CDAN1: variants seen among roughly 807,000 people sequenced by gnomAD.
CDAN1 encodes codanin-1.
In CDAN1, 107 loss-of-function variants were observed where a neutral mutation model predicts 139.8. The observed-to-expected ratio is 0.77, with a 90% CI of 0.65 to 0.90. CDAN1 has a LOEUF of 0.90. CDAN1 is among the 40% of genes least tolerant of loss of function. The pLI is 0.00. For synonymous variants in CDAN1, 776 were observed against 660.6 expected (o/e 1.17, Z -2.68); for missense variants, 1,667 against 1,575.7 (o/e 1.06, Z -0.98).
chr15:42,732,138 G>A (rs973904407), intron 10 of CDAN1, among the ~76,000 whole-genome samples, 195 bp downstream of exon 10: 3 of 152,226 alleles, frequency 2.0e-5, no homozygotes, highest in Admixed American at 2.0e-4. Flanking sequence ...GCAGGGCCCG[G>A]GATGTGTCAA....
Position 42,729,222 on chromosome 15 carries a change from C to T in CDAN1, c.2541+7G>A. 1 of 1,613,834 alleles carries T rather than the reference C, an allele frequency of 6.2e-7. No homozygotes were observed. The highest frequency in any genetic ancestry group is 2.2e-5 in the East Asian group (1 of 44,844). ...TTTCCCCACGGCTGTCTCCGCCCTG[C>T]CCTTACCTGCAGCCCCTGGCTGGTC... On this transcript the variant is annotated splice_region_variant and intron_variant, in intron 18 of 27. Transcript: ENST00000356231.
chr15:42,730,476 C>G lies in CDAN1; in HGVS notation c.2174+122G>C, dbSNP rs1047884967. ...AGCCAATCGTGCCTCTCCCAGGGCT[C>G]AGTTATGGCCAGGGCCCCACACGCA... is the stretch of plus-strand genomic sequence containing the variant. On this transcript the variant is annotated intron_variant, in intron 14 of 27. Transcript: ENST00000356231. 3 of 1,194,376 alleles carry G rather than the reference C, an allele frequency of 2.5e-6. No homozygotes were observed. The African/African-American group carries it at 4.6e-5, about 18-fold the overall frequency. 74.0% of individuals were successfully genotyped at this position (1,194,376 alleles called of 1,614,324 possible).
chr15:42,727,975 C>T lies in CDAN1; in HGVS notation c.2927G>A (p.Trp976Ter), dbSNP rs1452176295. Reference sequence around the variant, plus strand: ...CTTACCTGTGATGTTGGCTGACAGCCAAGCACAGGCTTTCTCTGTTGCAAG... The same window carrying T: ...CTTACCTGTGATGTTGGCTGACAGCTAAGCACAGGCTTTCTCTGTTGCAAG... ...VGLATEKACAWLSANITALIR... is the reference protein window; with the variant it reads ...VGLATEKACA Residue 976 changes from tryptophan (W) to a stop codon, truncating the protein, a stop_gained, in exon 22 of 28, where the codon TGG (tryptophan) becomes TAG (stop). Coordinates refer to ENST00000356231, the MANE Select transcript of CDAN1 (RefSeq NM_138477.4). LOFTEE classifies it high-confidence loss of function. 1 of 1,614,162 alleles carries T rather than the reference C, an allele frequency of 6.2e-7. No individual in the cohort carries two copies. The highest frequency in any genetic ancestry group is 1.7e-5 in the Admixed American group (1 of 60,032).
At position 42,728,007 on chromosome 15, in the gene CDAN1, A is replaced by G. The variant is rs761702273; in HGVS notation, c.2895T>C (p.Ala965=). The G allele has an allele frequency of 1.8e-5, 29 of 1,614,034 alleles. No individual in the cohort carries two copies. Among genetic ancestry groups the G allele is most frequent in the Admixed American group, 5.0e-5 (3 of 60,000 alleles). The change falls in exon 22 of 28, where the codon GCT becomes GCC. Residue 965 remains alanine (A), a synonymous_variant. Coordinates refer to ENST00000356231, the MANE Select transcript of CDAN1 (RefSeq NM_138477.4). ...AGGCTTTCTCTGTTGCAAGCCCCAC[A>G]GCAATGTTCTCTGCACTGCTCAGAA... ...AAVLSSAENI[A]VGLATEKACA... is the part of the protein sequence containing the mutation.
rs1344084461 is a variant in CDAN1, at chr15:42,731,827, T to G, written c.1534-2A>C. 1.2e-6 allele frequency: 2 copies of G among 1,613,352 alleles called. No individual in the cohort carries two copies. Among genetic ancestry groups the G allele is most frequent in the Non-Finnish European group, 1.7e-6 (2 of 1,179,656 alleles). ...AGCACCACCAGGGCTCTGACACATC[T>G]AGGGTGGAAGAGGAAGGAGAGAAAT... On this transcript the variant is annotated splice_acceptor_variant, in intron 10 of 27. Coordinates refer to ENST00000356231, the MANE Select transcript of CDAN1 (RefSeq NM_138477.4). LOFTEE classifies it high-confidence loss of function.
Position 42,729,830 on chromosome 15 carries a change from A to G in CDAN1, c.2318T>C (p.Phe773Ser), listed in dbSNP as rs367777580. ...CTCTGGGGCTACTGTGTCCACCTCA[A>G]AGGCATATGAGGGACCCTCTTCCAG... ...FFLEEGPSYA[F>S]EVDTVAPEHG... The change falls in exon 16 of 28, where the codon TTT (phenylalanine) becomes TCT (serine). Residue 773 changes from phenylalanine (F) to serine (S), a missense_variant. By Grantham distance (155) the Phe-to-Ser change is radical (BLOSUM62 -2). Coordinates refer to ENST00000356231, the MANE Select transcript of CDAN1 (RefSeq NM_138477.4). The G allele has an allele frequency of 1.5e-5, 24 of 1,613,866 alleles. 1 individual carries two copies. In the East Asian group the frequency reaches 1.8e-4, roughly 12 times the overall value.
Position 42,728,638 on chromosome 15 carries a change from C to G in CDAN1, c.2804+14G>C, listed in dbSNP as rs975377036. On this transcript the variant is annotated intron_variant, in intron 20 of 27. Transcript: ENST00000356231. ...CCAAGAGGAGAGTGGATCAAATGGA[C>G]CAGCGCTGCTTACTCCCGCCCCAGG... 6.2e-7 allele frequency: 1 copy of G among 1,613,482 alleles called. No homozygotes were observed.
intron 20 of CDAN1, 139 bp from the exon 21 acceptor site, chr15:42,728,406 C>G: frequency 1.0e-6 from 1 of 970,208 alleles, no homozygotes; most frequent in Non-Finnish European, 1.6e-6. Flanking sequence ...CGCCCCACCC[C>G]AGGTGCCAGA....
rs775597322 is a variant in CDAN1 at position 42,731,310 on chromosome 15, G to A, written c.1761C>T (p.Leu587=). The part of the protein sequence containing the change: ...SASSFQFNQH[L]MDSLSLKIQE... ...GGATCTTCAAGCTCAGACTGTCCAT[G>A]AGATGCTGGTTAAACTGGAAGCTGA... The change falls in exon 12 of 28, where the codon CTC becomes CTT. Residue 587 remains leucine, a synonymous_variant. Coordinates refer to ENST00000356231, the MANE Select transcript of CDAN1 (RefSeq NM_138477.4). 3.7e-6 allele frequency: 6 copies of A among 1,613,960 alleles called. No homozygotes were observed. The highest frequency in any genetic ancestry group is 2.2e-5 in the East Asian group (1 of 44,882).
At position 42,729,223 on chromosome 15, in the gene CDAN1, C is replaced by T. The variant is rs1348583855; in HGVS notation, c.2541+6G>A. On this transcript the variant is annotated splice_donor_region_variant and intron_variant, in intron 18 of 27. Coordinates refer to ENST00000356231, the MANE Select transcript of CDAN1 (RefSeq NM_138477.4). Reference sequence around the variant, plus strand: ...TTCCCCACGGCTGTCTCCGCCCTGCCCTTACCTGCAGCCCCTGGCTGGTCT... The same window carrying T: ...TTCCCCACGGCTGTCTCCGCCCTGCTCTTACCTGCAGCCCCTGGCTGGTCT... 4 of 1,613,882 alleles carry T rather than the reference C, an allele frequency of 2.5e-6. No individual in the cohort carries two copies. The highest frequency in any genetic ancestry group is 3.3e-5 in the Admixed American group (2 of 59,994).
At chr15:42,728,411 GC>G in intron 20 of CDAN1, 144 bp from the exon 21 acceptor site, 1 of 937,982 alleles carries the variant, frequency 1.1e-6, no homozygotes. Context: ...CACCCCAGGT[GC>G]CAGAGAAAAG....
intron 1 of CDAN1, 26 bp downstream of exon 1, chr15:42,736,987 A>G: frequency 6.5e-7 from 1 of 1,536,824 alleles, no homozygotes; most frequent in Non-Finnish European, 8.8e-7. Flanking sequence ...TTCGAGTCAG[A>G]CCTGGGGGCG....
Position 42,725,194 on chromosome 15 carries a change from T to TCCGTCCCATCAGACCCTTCTCCAC in CDAN1, c.3484_3507dup (p.Val1162_Arg1169dup), listed in dbSNP as rs764457833. 18 of 1,614,180 alleles carry TCCGTCCCATCAGACCCTTCTCCAC rather than the reference T, an allele frequency of 1.1e-5. No individual in the cohort carries two copies. The highest frequency in any genetic ancestry group is 1.4e-5 in the Non-Finnish European group (16 of 1,180,034). On this transcript the variant is annotated inframe_insertion, in exon 27 of 28. Transcript: ENST00000356231. ...CTGCCCAGGCAGGCCTCTATCTCCA[T>TCCGTCCCATCAGACCCTTCTCCAC]CCGTCCCATCAGACCCTTCTCCACC... is the stretch of plus-strand genomic sequence containing the variant.
intron 27 of CDAN1, 159 bp downstream of exon 27, chr15:42,724,985 C>T: frequency 1.4e-6 from 1 of 717,100 alleles, no homozygotes; most frequent in Non-Finnish European, 2.5e-6. Context: ...AACACAGTCC[C>T]TCATATAATA....
intron 25 of CDAN1, 142 bp from the exon 26 acceptor site, chr15:42,725,812 A>G (rs1016443961): frequency 2.3e-6 from 2 of 874,004 alleles, no homozygotes; most frequent in Non-Finnish European, 3.5e-6. Flanking sequence ...GTGAAACCCC[A>G]TCTCTATTAA....
At position 42,725,217 on chromosome 15, in the gene CDAN1, A is replaced by T. The variant is rs1236737331; in HGVS notation, c.3485T>A (p.Val1162Glu). Residue 1162 changes from valine (V) to glutamate (E), a missense_variant, in exon 27 of 28, where the codon GTG becomes GAG. Val to Glu is a moderately radical substitution (Grantham distance 121). Coordinates refer to ENST00000356231, the MANE Select transcript of CDAN1 (RefSeq NM_138477.4). ...CATCCGTCCCATCAGACCCTTCTCC[A>T]CCAGCTCCCGTAGCAAGAATAGCAG... ...DLLLFLLREL[V>E]EKGLMGRMEI... The T allele has an allele frequency of 1.2e-6, 2 of 1,614,032 alleles. No individual in the cohort carries two copies. The highest frequency in any genetic ancestry group is 2.7e-5 in the African/African-American group (2 of 74,924).
intron 4 of CDAN1, 49 bp from the exon 5 acceptor site, chr15:42,735,423 C>G (rs1341340369): frequency 6.3e-7 from 1 of 1,593,020 alleles, no homozygotes; most frequent in Non-Finnish European, 8.6e-7. Context: ...CATTTGGAGC[C>G]AAGGCTCAGT....
At chr15:42,731,467 G>A in intron 11 of CDAN1, 136 bp from the exon 12 acceptor site, 2 of 1,442,360 alleles carry the variant, frequency 1.4e-6, no homozygotes, top group Non-Finnish European at 1.9e-6. Flanking sequence ...CACCCACGTG[G>A]GTGACAGAAT....
At chr15:42,733,824 G>A (rs2061648851) in intron 8 of CDAN1, 114 bp downstream of exon 8, 2 of 781,332 alleles carry the variant, frequency 2.6e-6, no homozygotes, top group South Asian at 2.9e-5. Flanking sequence ...GACCTGGGGG[G>A]ACTAACCCAC....
Sources: gnomAD v4.1 joint callset for allele counts (sites outside exome capture counted in the v4.1 genomes callset) on GRCh38, gnomAD v4.1.1 for gene constraint, MANE v1.5 for transcripts, NCBI Gene and HGNC (gene_info 2026-07-23, HGNC 2026-07-21) for gene names.